Variants in NFIA observed in about 807,000 individuals in gnomAD.
NFIA encodes the protein nuclear factor I A, also known as nuclear factor 1 A-type.
In NFIA, 8 loss-of-function variants were observed where a neutral mutation model predicts 62.8. The observed-to-expected ratio is 0.13, with a 90% CI of 0.07 to 0.23. The LOEUF is 0.23. Ranked by LOEUF, NFIA falls within the 10% of genes least tolerant of loss-of-function variation. The pLI is 1.00. For missense variants in NFIA, 410 were observed against 642.1 expected (o/e 0.64, Z 3.91); for synonymous variants, 235 against 238.1 (o/e 0.99, Z 0.12).
chr1:61,085,836 A>G (rs950588515), intron 1 of NFIA, among the ~76,000 whole-genome samples: 4 of 152,150 alleles, frequency 2.6e-5, no homozygotes, highest in African/African-American at 9.6e-5. Flanking sequence ...TGACTAATTG[A>G]CATAGTTGTT....
chr1:61,101,975 A>G (rs529532455), intron 2 of NFIA, among the ~76,000 whole-genome samples: 1 of 152,336 alleles, frequency 6.6e-6, no homozygotes, highest in African/African-American at 2.4e-5. Context: ...ATTTGTTGTT[A>G]TTCTCTGTTA....
chr1:61,453,811 C>G (rs369589860), intron 10 of NFIA, among the ~76,000 whole-genome samples: 87 of 152,238 alleles, frequency 5.7e-4, no homozygotes, highest in African/African-American at 1.9e-3. Context: ...TTTCTCTCCC[C>G]CTCTTCTTTC....
intron 2 of NFIA, among the ~76,000 whole-genome samples, chr1:61,209,652 C>A: frequency 6.9e-6 from 1 of 145,438 alleles, no homozygotes; most frequent in African/African-American, 2.6e-5. Context: ...GGTGATACCC[C>A]ATCTCTATGA....
intron 3 of NFIA, among the ~76,000 whole-genome samples, chr1:61,292,925 C>T (rs375135034): frequency 8.5e-5 from 13 of 152,258 alleles, no homozygotes; most frequent in East Asian, 5.8e-4. Context: ...TCCCCCAAGT[C>T]GTGCAATGCT....
At chr1:61,133,406 T>G (rs1647117064) in intron 2 of NFIA, among the ~76,000 whole-genome samples, 1 of 152,210 alleles carries the variant, frequency 6.6e-6, no homozygotes, top group African/African-American at 2.4e-5. Context: ...TATATTAAAC[T>G]ATAGTTATTA....
intron 6 of NFIA, among the ~76,000 whole-genome samples, chr1:61,368,598 G>C (rs1438295680): frequency 3.9e-5 from 6 of 152,148 alleles, no homozygotes; most frequent in African/African-American, 7.2e-5. Context: ...GCTTTGAAAA[G>C]ATCAAATGAG....
Position 61,121,462 on chromosome 1 carries a change from A to T in NFIA, c.559+32782A>T, listed in dbSNP as rs148499957. 6.6e-3 allele frequency among the ~76,000 whole-genome samples: 998 copies of T among 152,324 alleles called. 12 individuals carry two copies. Among genetic ancestry groups the T allele is most frequent in the African/African-American group, 0.022 (935 of 41,574 alleles). ...ATGGATCAACAGAGTTATAGGTTTTAAAAAAACTGCCTTGCATTTTTGCCC... is the reference window on the plus strand; with the variant it reads ...ATGGATCAACAGAGTTATAGGTTTTTAAAAAACTGCCTTGCATTTTTGCCC... On this transcript the variant is annotated intron_variant, in intron 2 of 10. Transcript: ENST00000403491.
upstream of NFIA, among the ~76,000 whole-genome samples, chr1:61,080,333 T>G (rs1019695286): frequency 2.0e-5 from 3 of 151,830 alleles, no homozygotes; most frequent in African/African-American, 7.3e-5. Context: ...AAAAAAAATC[T>G]TTTTTTTCCT....
At chr1:61,419,445 A>G (rs934562631) in intron 9 of NFIA, among the ~76,000 whole-genome samples, 2 of 152,258 alleles carry the variant, frequency 1.3e-5, no homozygotes, top group African/African-American at 4.8e-5. Flanking sequence ...CTCTAAAACA[A>G]AAGATTGGCT....
chr1:61,386,571 A>C (rs185516783), intron 7 of NFIA, among the ~76,000 whole-genome samples: 29 of 152,284 alleles, frequency 1.9e-4, no homozygotes, highest in Admixed American at 1.5e-3. Context: ...ACACACATCC[A>C]CGCTCAGAAT....
chr1:61,371,026 T>C (rs1663856613), intron 6 of NFIA, among the ~76,000 whole-genome samples: 1 of 152,102 alleles, frequency 6.6e-6, no homozygotes, highest in Non-Finnish European at 1.5e-5. Flanking sequence ...CTTCCAAGAT[T>C]AGTGAATTCT....
At chr1:61,208,150 G>A (rs550522760) in intron 2 of NFIA, among the ~76,000 whole-genome samples, 2 of 152,166 alleles carry the variant, frequency 1.3e-5, no homozygotes, top group East Asian at 3.9e-4. Flanking sequence ...GATCACTTAG[G>A]TGAACCGTTC....
chr1:61,129,650 T>C (rs1469211382), intron 2 of NFIA, among the ~76,000 whole-genome samples: 1 of 151,774 alleles, frequency 6.6e-6, no homozygotes, highest in Non-Finnish European at 1.5e-5. Flanking sequence ...GGTTTCAGCA[T>C]GTTGGCCAGG....
At chr1:61,200,054 A>ACATATATATACGTATATATATGTG (rs1557632066) in intron 2 of NFIA, among the ~76,000 whole-genome samples, 19 of 53,450 alleles carry the variant, frequency 3.6e-4, no homozygotes, top group African/African-American at 1.6e-3. Context: ...ATATATATAT[A>ACATATATATACGTATATATATGTG]TATATATATA....
At chr1:61,435,360 A>G (rs1208260137) in intron 10 of NFIA, among the ~76,000 whole-genome samples, 1 of 152,254 alleles carries the variant, frequency 6.6e-6, no homozygotes, top group East Asian at 1.9e-4. Flanking sequence ...AGTCAGGATT[A>G]TTTTCCTCCC....
intron 2 of NFIA, among the ~76,000 whole-genome samples, chr1:61,258,537 A>G (rs1656566966): frequency 6.6e-6 from 1 of 152,116 alleles, no homozygotes; most frequent in African/African-American, 2.4e-5. Flanking sequence ...TTACTTCCTC[A>G]TATGTGTACT....
In NFIA at chr1:61,456,799, AAAAAAAC is replaced by A. The variant is rs1264185613; in HGVS notation, c.*1492_*1498del. ...CCCAAACGTCCTGTATCTTATGAAA[AAAAAAAC>A]AAAAAACAAAAACAAAAAAAAAACA... is the stretch of plus-strand genomic sequence containing the variant. On this transcript the variant is annotated 3_prime_UTR_variant, in exon 11 of 11. Coordinates refer to ENST00000403491, the MANE Select transcript of NFIA (RefSeq NM_001134673.4). 1 of 143,676 alleles carries A rather than the reference AAAAAAAC, an allele frequency of 7.0e-6. No homozygotes were observed. Among genetic ancestry groups the A allele is most frequent in the East Asian group, 1.9e-4 (1 of 5,138 alleles). 8.9% of individuals were successfully genotyped at this position (143,676 alleles called of 1,614,324 possible).
intron 10 of NFIA, among the ~76,000 whole-genome samples, chr1:61,428,367 G>A (rs904691359): frequency 5.4e-5 from 8 of 149,170 alleles, no homozygotes; most frequent in African/African-American, 2.0e-4. Flanking sequence ...GCCCAGTATT[G>A]GCATCTGGAA....
intron 6 of NFIA, among the ~76,000 whole-genome samples, chr1:61,366,716 A>G (rs1377175437): frequency 6.6e-6 from 1 of 152,164 alleles, no homozygotes; most frequent in Non-Finnish European, 1.5e-5. Context: ...TGAGGTCAGG[A>G]GTTTGAGACC....
Sources: gnomAD v4.1 joint callset for allele counts (sites outside exome capture counted in the v4.1 genomes callset) on GRCh38, gnomAD v4.1.1 for gene constraint, MANE v1.5 for transcripts, NCBI Gene and HGNC (gene_info 2026-07-23, HGNC 2026-07-21) for gene names.